Variants in SEZ6 observed in about 807,000 individuals in gnomAD.
SEZ6 encodes seizure related 6 homolog, also known as seizure protein 6 homolog.
Under a neutral mutation model 101.0 loss-of-function variants are expected in SEZ6, and 53 were observed. The ratio of observed to expected loss-of-function variants is 0.52; its 90% CI spans 0.42 to 0.66. The LOEUF (loss-of-function observed/expected upper bound fraction) is 0.66, where lower values mean the gene tolerates loss of function less well. Among genes scored for constraint, SEZ6 ranks in the 30% least tolerant of loss-of-function variants. The pLI is 0.00. For missense variants in SEZ6, 1,102 were observed against 1,289.4 expected (o/e 0.85, Z 2.23); for synonymous variants, 488 against 512.2 (o/e 0.95, Z 0.64).
chr17:28,961,044 C>T lies in SEZ6; in HGVS notation c.1241-71G>A, dbSNP rs2040970813. On this transcript the variant is annotated intron_variant, in intron 5 of 16. Transcript: ENST00000317338. Reference sequence around the variant, plus strand: ...CAGGCAGCCTAACATGCCTTCCTCCCTATCCCAGCCCTATATCCTCTGCTT... The same window carrying T: ...CAGGCAGCCTAACATGCCTTCCTCCTTATCCCAGCCCTATATCCTCTGCTT... The T allele has an allele frequency of 1.9e-6, 3 of 1,540,692 alleles. No individual in the cohort carries two copies. The East Asian group carries it at 6.8e-5, about 35-fold the overall frequency.
chr17:28,977,340 G>A (rs1317557267), intron 3 of SEZ6, among the ~76,000 whole-genome samples: 3 of 152,214 alleles, frequency 2.0e-5, no homozygotes, highest in South Asian at 2.1e-4. Flanking sequence ...CCCTGTGCCC[G>A]CCTCCCCTCC....
Position 28,959,455 on chromosome 17 carries a change from T to C in SEZ6, c.1789A>G (p.Ile597Val), listed in dbSNP as rs2152683608. The C allele has an allele frequency of 1.9e-6, 3 of 1,613,496 alleles. No homozygotes were observed. In the Middle Eastern group the frequency reaches 4.9e-4, roughly 266 times the overall value. Residue 597 changes from isoleucine (I) to valine (V), a missense_variant, in exon 9 of 17, where the codon ATC (isoleucine) becomes GTC (valine). This residue lies in a region of SEZ6 where 556 missense variants were observed against 735.1 expected (regional missense o/e 0.76). Coordinates refer to ENST00000317338, the MANE Select transcript of SEZ6 (RefSeq NM_178860.5). The surrounding 1 kb of genome is among the most constrained non-coding windows in gnomAD (Gnocchi z 4.4). ...PACRAVCSGE[I>V]TDSAGVVLSP... ...AGTACCACGCCAGCCGAGTCTGTGA[T>C]CTCCCCGCTGCACACGGCTGGAAGG...
At chr17:28,972,198 A>G (rs977943785) in intron 3 of SEZ6, among the ~76,000 whole-genome samples, 3 of 152,058 alleles carry the variant, frequency 2.0e-5, no homozygotes, top group African/African-American at 7.3e-5. Flanking sequence ...GACTCTCCCC[A>G]CTGGCCCCTG....
chr17:28,989,039 C>T (rs1259590184), intron 1 of SEZ6, among the ~76,000 whole-genome samples: 3 of 152,160 alleles, frequency 2.0e-5, no homozygotes, highest in Non-Finnish European at 2.9e-5. Flanking sequence ...TTTGGCATCT[C>T]CAGAGTTGGG....
In SEZ6 at chr17:28,959,019, G is replaced by A; in HGVS notation, c.2107+6C>T. On this transcript the variant is annotated splice_donor_region_variant and intron_variant, in intron 10 of 16. Coordinates refer to ENST00000317338, the MANE Select transcript of SEZ6 (RefSeq NM_178860.5). This position sits in a 1 kb window ranked among gnomAD's most constrained non-coding sequence, Gnocchi z 4.4. ...TGCACTCTGAGTGGGGTAGGGACAA[G>A]CTCACCAAAGAAGTGGATGACGAAG... The A allele has an allele frequency of 6.2e-7, 1 of 1,608,232 alleles. No homozygotes were observed. The highest frequency in any genetic ancestry group is 8.5e-7 in the Non-Finnish European group (1 of 1,176,482).
intron 3 of SEZ6, among the ~76,000 whole-genome samples, chr17:28,977,809 C>T (rs1197043925): frequency 6.6e-6 from 1 of 152,218 alleles, no homozygotes; most frequent in Non-Finnish European, 1.5e-5. Flanking sequence ...GTGCTTTCCA[C>T]CCAGTGAGCC....
chr17:28,987,716 G>A (rs768642473), intron 1 of SEZ6, among the ~76,000 whole-genome samples: 1 of 152,122 alleles, frequency 6.6e-6, no homozygotes, highest in Non-Finnish European at 1.5e-5. Flanking sequence ...TGCCCACTGT[G>A]TGCTGACCAT....
intron 1 of SEZ6, among the ~76,000 whole-genome samples, chr17:28,985,152 T>C (rs866297159): frequency 6.6e-6 from 1 of 152,232 alleles, no homozygotes; most frequent in Non-Finnish European, 1.5e-5. Context: ...CATACCCACC[T>C]GCCTCATGGG....
chr17:28,980,752 C>T (rs2041289230), intron 2 of SEZ6, among the ~76,000 whole-genome samples: 1 of 152,216 alleles, frequency 6.6e-6, no homozygotes, highest in Admixed American at 6.5e-5. Context: ...GATCCACCTG[C>T]CTCGGCCTCC....
rs1157785922 is a variant in SEZ6, at chr17:28,981,709, A to G, written c.386T>C (p.Val129Ala). Reference protein sequence around the residue: ...FTSPTPAMAAVPTQPQSKEGP... With the variant: ...FTSPTPAMAAAPTQPQSKEGP... ...CTCCTTGGACTGGGGCTGAGTGGGT[A>G]CCGCAGCCATGGCTGGAGTGGGGCT... The change falls in exon 2 of 17, where the codon GTA becomes GCA. Residue 129 changes from valine (V) to alanine (A), a missense_variant. Val to Ala is a moderately conservative substitution (Grantham distance 64). Around this residue, in one of 3 missense-constraint regions of SEZ6, gnomAD observed 406 missense variants for 418.6 expected, o/e 0.97. Coordinates refer to ENST00000317338, the MANE Select transcript of SEZ6 (RefSeq NM_178860.5). 3 of 1,592,782 alleles carry G rather than the reference A, an allele frequency of 1.9e-6. No individual in the cohort carries two copies. The highest frequency in any genetic ancestry group is 2.2e-5 in the East Asian group (1 of 44,488).
chr17:28,961,694 A>C (rs576543882), intron 5 of SEZ6, among the ~76,000 whole-genome samples: 1 of 152,188 alleles, frequency 6.6e-6, no homozygotes, highest in South Asian at 2.1e-4. Flanking sequence ...GCTATCTGTG[A>C]GGATTGCTGG....
chr17:28,967,553 G>C (rs2152685746), intron 4 of SEZ6, among the ~76,000 whole-genome samples: 1 of 152,332 alleles, frequency 6.6e-6, no homozygotes, highest in East Asian at 1.9e-4. Flanking sequence ...AGAGGTCCCA[G>C]TCCAGGATGG....
At chr17:28,962,762 C>A (rs1277881666) in intron 5 of SEZ6, among the ~76,000 whole-genome samples, 1 of 133,958 alleles carries the variant, frequency 7.5e-6, no homozygotes, top group Non-Finnish European at 1.5e-5. Context: ...GCCTGGGTGA[C>A]AGAGGGAGAC....
chr17:28,979,436 A>G (rs1320605481), intron 3 of SEZ6, among the ~76,000 whole-genome samples: 1 of 152,006 alleles, frequency 6.6e-6, no homozygotes, highest in East Asian at 1.9e-4. Flanking sequence ...TAGGGTTTAT[A>G]CTCACCCAGT....
chr17:28,964,240 G>T, intron 4 of SEZ6, 93 bp from the exon 5 acceptor site: 1 of 1,357,408 alleles, frequency 7.4e-7, no homozygotes, highest in Non-Finnish European at 1.0e-6. Context: ...CAGTCTGCCT[G>T]GAGGTGTCAT....
Position 28,971,804 on chromosome 17 carries a change from A to G in SEZ6, c.859-1852T>C, listed in dbSNP as rs936131575. 3.9e-5 allele frequency among the ~76,000 whole-genome samples: 6 copies of G among 152,222 alleles called. No individual in the cohort carries two copies. The South Asian group carries it at 1.0e-3, about 26-fold the overall frequency. On this transcript the variant is annotated intron_variant, in intron 3 of 16. Transcript: ENST00000317338. ...AAATCCTTCCCAGTCTTATTTCCCA[A>G]ATACTCCAATGGGTTCCTCCTCTCT... is the stretch of plus-strand genomic sequence containing the variant.
intron 1 of SEZ6, among the ~76,000 whole-genome samples, chr17:28,999,842 C>T (rs1373397957): frequency 2.6e-5 from 4 of 152,076 alleles, no homozygotes; most frequent in African/African-American, 9.7e-5. Context: ...CTGCTCTGGC[C>T]CAAGACTTCA....
intron 11 of SEZ6, 196 bp from the exon 12 acceptor site, chr17:28,957,735 G>T (rs2040907167): frequency 1.2e-6 from 1 of 839,874 alleles, no homozygotes; most frequent in Non-Finnish European, 1.8e-6. Context: ...AAAACTGATT[G>T]GCCATCTACC....
At chr17:28,977,014 C>A (rs534948690) in intron 3 of SEZ6, among the ~76,000 whole-genome samples, 4 of 152,366 alleles carry the variant, frequency 2.6e-5, no homozygotes, top group Admixed American at 2.6e-4. Flanking sequence ...GTCTGTGTCC[C>A]CAGTGCCCAG....
Sources: allele counts gnomAD v4.1 joint callset (sites outside exome capture counted in the v4.1 genomes callset), GRCh38; gene constraint gnomAD v4.1.1; regional missense constraint gnomAD v4.1.1; non-coding constraint Gnocchi (gnomAD v3.1); transcripts MANE v1.5; gene names NCBI Gene and HGNC (gene_info 2026-07-23, HGNC 2026-07-21).